PAK1: variants seen among roughly 807,000 people sequenced by gnomAD.
PAK1 encodes serine/threonine-protein kinase PAK 1.
In PAK1, 29 loss-of-function variants were observed where a neutral mutation model predicts 67.4. The ratio of observed to expected loss-of-function variants is 0.43; its 90% CI spans 0.32 to 0.59. PAK1 has a LOEUF of 0.59. PAK1 is among the 20% of genes least tolerant of loss of function. PAK1 has a pLI of 0.07. For synonymous variants in PAK1, 223 were observed against 237.4 expected (o/e 0.94, Z 0.56); for missense variants, 337 against 670.7 (o/e 0.50, Z 5.50).
At chr11:77,434,887 G>A (rs1337120416) in intron 1 of PAK1, among the ~76,000 whole-genome samples, 1 of 152,004 alleles carries the variant, frequency 6.6e-6, no homozygotes, top group African/African-American at 2.4e-5. Flanking sequence ...TCAAAGTGGT[G>A]GGATTACAGA....
At position 77,425,704 on chromosome 11, in the gene PAK1, G is replaced by A. The variant is rs371028633; in HGVS notation, c.-21-33163C>T. On this transcript the variant is annotated intron_variant, in intron 1 of 14. Transcript: ENST00000356341. ...TAGCACCGTGTAAGGCATAGTAAAT[G>A]CTCGACAATTATTTGCCAAAGTGAG... Among the ~76,000 whole-genome samples the A allele has an allele frequency of 2.6e-5, 4 of 152,340 alleles. No individual in the cohort carries two copies. The South Asian group carries it at 6.2e-4, about 24-fold the overall frequency.
chr11:77,325,199 T>C, intron 14 of PAK1: 10 of 1,062,022 alleles, frequency 9.4e-6, no homozygotes, highest in Non-Finnish European at 1.3e-5. Context: ...CTCTGTCTAA[T>C]AAACAAAACA....
At position 77,438,600 on chromosome 11, in the gene PAK1, C is replaced by T. The variant is rs547444479; in HGVS notation, c.-22+34952G>A. 6.6e-4 allele frequency among the ~76,000 whole-genome samples: 101 copies of T among 152,252 alleles called. 1 individual carries two copies. Among genetic ancestry groups the T allele is most frequent in the African/African-American group, 2.3e-3 (95 of 41,532 alleles). ...TAATGCTGTTGCTCCCAATAGAAATCTCAAGGTACACAGGTCACATGGCAC... is the reference window on the plus strand; with the variant it reads ...TAATGCTGTTGCTCCCAATAGAAATTTCAAGGTACACAGGTCACATGGCAC... On this transcript the variant is annotated intron_variant, in intron 1 of 14. Transcript: ENST00000356341.
chr11:77,480,364 GATAC>G, the PAK1 span, among the ~76,000 whole-genome samples: 1 of 151,822 alleles, frequency 6.6e-6, no homozygotes, highest in Non-Finnish European at 1.5e-5. Context: ...AGCTGACCAA[GATAC>G]ATAAATTAGG....
chr11:77,332,901 C>T, intron 13 of PAK1, 34 bp from the exon 14 acceptor site: 1 of 1,605,854 alleles, frequency 6.2e-7, no homozygotes. Flanking sequence ...CCTTGAGCTC[C>T]AAATGAGGCT....
chr11:77,420,123 T>C (rs947200983), intron 1 of PAK1, among the ~76,000 whole-genome samples: 1 of 152,006 alleles, frequency 6.6e-6, no homozygotes, highest in African/African-American at 2.4e-5. Flanking sequence ...TAGGAAAAGG[T>C]TCATGGAAGA....
the PAK1 span, among the ~76,000 whole-genome samples, chr11:77,517,844 C>A: frequency 6.6e-6 from 1 of 152,102 alleles, no homozygotes. Flanking sequence ...TCATAAGGAG[C>A]ACACAACCTA....
chr11:77,440,230 T>C (rs1229454766), intron 1 of PAK1, among the ~76,000 whole-genome samples: 1 of 152,084 alleles, frequency 6.6e-6, no homozygotes, highest in Non-Finnish European at 1.5e-5. Context: ...ATCCTAAACT[T>C]TCAAACATAC....
At chr11:77,433,688 A>C (rs1353587433) in intron 1 of PAK1, among the ~76,000 whole-genome samples, 3 of 152,234 alleles carry the variant, frequency 2.0e-5, no homozygotes, top group South Asian at 2.1e-4. Flanking sequence ...CTGAGGCAGG[A>C]GAATCGCTTG....
At chr11:77,365,608 G>A (rs976056699) in intron 5 of PAK1, among the ~76,000 whole-genome samples, 7 of 152,020 alleles carry the variant, frequency 4.6e-5, no homozygotes, top group South Asian at 2.1e-4. Context: ...TGAGGCAGGC[G>A]GATCACTTGA....
At chr11:77,379,098 AAATTC>A in intron 4 of PAK1, 138 bp downstream of exon 4, 4 of 700,362 alleles carry the variant, frequency 5.7e-6, no homozygotes, top group Non-Finnish European at 9.4e-6. Context: ...CTTGGCTGTC[AAATTC>A]CAAAATTCCA....
the PAK1 span, among the ~76,000 whole-genome samples, chr11:77,505,561 C>T: frequency 6.6e-6 from 1 of 152,118 alleles, no homozygotes; most frequent in Non-Finnish European, 1.5e-5. Flanking sequence ...ACAACAGCTC[C>T]CCATTCCTCT....
chr11:77,511,665 A>G, the PAK1 span, among the ~76,000 whole-genome samples: 11 of 152,334 alleles, frequency 7.2e-5, no homozygotes, highest in Non-Finnish European at 1.6e-4. Context: ...ACAGATCTGA[A>G]TAGCACTGAA....
At chr11:77,505,436 A>C in the PAK1 span, among the ~76,000 whole-genome samples, 1 of 152,138 alleles carries the variant, frequency 6.6e-6, no homozygotes, top group East Asian at 1.9e-4. Context: ...GATCCACCCA[A>C]CTTGGCCTCC....
chr11:77,485,914 C>T, the PAK1 span, among the ~76,000 whole-genome samples: 15 of 152,206 alleles, frequency 9.9e-5, no homozygotes, highest in Non-Finnish European at 1.5e-4. Context: ...TTCTCCACCT[C>T]TCTTACGGTA....
chr11:77,396,617 T>C (rs1270326134), intron 1 of PAK1, among the ~76,000 whole-genome samples: 1 of 152,246 alleles, frequency 6.6e-6, no homozygotes, highest in Non-Finnish European at 1.5e-5. Flanking sequence ...ATCTTAGAGC[T>C]ATTCAGAAAA....
chr11:77,497,424 G>A, the PAK1 span, among the ~76,000 whole-genome samples: 1 of 152,162 alleles, frequency 6.6e-6, no homozygotes, highest in African/African-American at 2.4e-5. Flanking sequence ...TTACAGATGA[G>A]GAAACTGAGA....
intron 1 of PAK1, among the ~76,000 whole-genome samples, chr11:77,405,841 A>C (rs1404440091): frequency 4.6e-5 from 7 of 152,080 alleles, no homozygotes; most frequent in Admixed American, 4.6e-4. Flanking sequence ...GCCAACTAAC[A>C]ATCTACCATT....
intron 6 of PAK1, among the ~76,000 whole-genome samples, chr11:77,358,018 C>T (rs1946271978): frequency 6.6e-6 from 1 of 152,176 alleles, no homozygotes; most frequent in Non-Finnish European, 1.5e-5. Flanking sequence ...GATGATTCCA[C>T]AGATTCTGTT....
Sources: allele counts gnomAD v4.1 joint callset (sites outside exome capture counted in the v4.1 genomes callset), GRCh38; gene constraint gnomAD v4.1.1; transcripts MANE v1.5; gene names NCBI Gene and HGNC (gene_info 2026-07-23, HGNC 2026-07-21).